Variants in ADARB2 observed in about 807,000 individuals in gnomAD.
ADARB2 encodes inactive double-stranded RNA-specific editase B2.
A neutral mutation model predicts 62.2 loss-of-function variants in ADARB2; 25 were observed. That is an observed-to-expected ratio of 0.40 (90% CI 0.29 to 0.56). The LOEUF (loss-of-function observed/expected upper bound fraction) is 0.56, where lower values mean the gene tolerates loss of function less well. Among genes scored for constraint, ADARB2 ranks in the 20% least tolerant of loss-of-function variants. The pLI, the probability that ADARB2 is intolerant of heterozygous loss-of-function variation, is 0.43. For missense variants in ADARB2, 1,071 were observed against 1,077.4 expected, an observed-to-expected ratio of 0.99 and a Z score of 0.08; for synonymous variants, 572 against 500.8, an observed-to-expected ratio of 1.14 and a Z score of -1.90.
chr10:1,553,828 C>G (rs1164326839), intron 1 of ADARB2, among the ~76,000 whole-genome samples: 1 of 152,216 alleles, frequency 6.6e-6, no homozygotes, highest in African/African-American at 2.4e-5. Context: ...AGGCCACACC[C>G]GCACACGGGA....
chr10:1,286,272 C>T (rs372623339), intron 3 of ADARB2, among the ~76,000 whole-genome samples: 26 of 152,276 alleles, frequency 1.7e-4, no homozygotes, highest in East Asian at 3.9e-4. Context: ...AAACACAAAC[C>T]GAAGCCTCCG....
intron 1 of ADARB2, among the ~76,000 whole-genome samples, chr10:1,532,144 G>A (rs763409673): frequency 6.6e-6 from 1 of 152,060 alleles, no homozygotes; most frequent in African/African-American, 2.4e-5. Flanking sequence ...GTATCAGCCC[G>A]CACCATTCCC....
At chr10:1,613,101 G>A (rs1300705162) in intron 1 of ADARB2, among the ~76,000 whole-genome samples, 1 of 152,166 alleles carries the variant, frequency 6.6e-6, no homozygotes, top group Non-Finnish European at 1.5e-5. Context: ...ACAGCTCCCC[G>A]GCATCTGTCT....
At chr10:1,498,115 G>T (rs1176191504) in intron 1 of ADARB2, among the ~76,000 whole-genome samples, 2 of 152,186 alleles carry the variant, frequency 1.3e-5, no homozygotes, top group South Asian at 4.1e-4. Context: ...GCTCACGCTT[G>T]TAATCCCGGC....
At chr10:1,427,387 C>T (rs958434354) in intron 1 of ADARB2, among the ~76,000 whole-genome samples, 14 of 152,140 alleles carry the variant, frequency 9.2e-5, no homozygotes, top group Admixed American at 3.9e-4. Context: ...GTAACAAAGT[C>T]GGCAATACCA....
chr10:1,514,178 A>ATATATAT (rs1831976214), intron 1 of ADARB2, among the ~76,000 whole-genome samples: 1 of 94,158 alleles, frequency 1.1e-5, no homozygotes, highest in African/African-American at 3.4e-5. Flanking sequence ...GCTGTCTCAA[A>ATATATAT]ATATATATAT....
chr10:1,306,598 C>T (rs1228856746), intron 3 of ADARB2, among the ~76,000 whole-genome samples: 2 of 148,760 alleles, frequency 1.3e-5, no homozygotes, highest in Non-Finnish European at 3.0e-5. Context: ...GCCCGCATCG[C>T]TAAGTCAATC....
At chr10:1,515,990 T>G (rs1242287086) in intron 1 of ADARB2, among the ~76,000 whole-genome samples, 1 of 152,222 alleles carries the variant, frequency 6.6e-6, no homozygotes, top group Non-Finnish European at 1.5e-5. Flanking sequence ...GGGCTTTGCC[T>G]CCATATCTGT....
chr10:1,185,575 C>T (rs528999511), intron 8 of ADARB2, among the ~76,000 whole-genome samples: 8 of 152,284 alleles, frequency 5.3e-5, no homozygotes, highest in East Asian at 1.9e-4. Context: ...ATCCTGAAAC[C>T]GCACTGGCTA....
At chr10:1,549,309 C>T (rs1049638189) in intron 1 of ADARB2, among the ~76,000 whole-genome samples, 6 of 152,242 alleles carry the variant, frequency 3.9e-5, no homozygotes, top group Middle Eastern at 6.8e-3. Context: ...AAACAAGTTT[C>T]CTCAAAAAAA....
At chr10:1,390,684 A>G (rs1440865496) in intron 1 of ADARB2, among the ~76,000 whole-genome samples, 1 of 152,224 alleles carries the variant, frequency 6.6e-6, no homozygotes, top group African/African-American at 2.4e-5. Context: ...GTGAAAGCTC[A>G]AATATATTAA....
At chr10:1,343,803 T>C (rs1024261488) in intron 3 of ADARB2, among the ~76,000 whole-genome samples, 14 of 152,198 alleles carry the variant, frequency 9.2e-5, no homozygotes, top group Non-Finnish European at 1.3e-4. Flanking sequence ...TTCTCACTTA[T>C]ATGTGGGAGC....
At chr10:1,729,625 T>A (rs1835207425) in intron 1 of ADARB2, among the ~76,000 whole-genome samples, 1 of 152,228 alleles carries the variant, frequency 6.6e-6, no homozygotes. Flanking sequence ...GGACTTAAAC[T>A]AATAAAACCT....
intron 1 of ADARB2, among the ~76,000 whole-genome samples, chr10:1,496,104 TCAC>T (rs1831686805): frequency 6.6e-6 from 1 of 151,828 alleles, no homozygotes; most frequent in Non-Finnish European, 1.5e-5. Context: ...ATCATCGTCA[TCAC>T]CATCATCATC....
chr10:1,608,083 A>G (rs896750532), intron 1 of ADARB2, among the ~76,000 whole-genome samples: 3 of 152,222 alleles, frequency 2.0e-5, no homozygotes, highest in Admixed American at 6.5e-5. Flanking sequence ...GTAAAACACA[A>G]CTTCTGGCAT....
intron 1 of ADARB2, among the ~76,000 whole-genome samples, chr10:1,619,302 AAAAAAAG>A (rs754119814): frequency 0.076 from 8,943 of 117,626 alleles, 300 homozygotes; most frequent in East Asian, 0.2. Context: ...AAAAAAAAAA[AAAAAAAG>A]AAAAAATACG....
chr10:1,483,727 G>A (rs1005926251), intron 1 of ADARB2, among the ~76,000 whole-genome samples: 4 of 64,824 alleles, frequency 6.2e-5, no homozygotes, highest in African/African-American at 2.9e-4. Flanking sequence ...GCATTTACAG[G>A]TTTAAAAAGA....
At chr10:1,208,758 A>C (rs1215625518) in intron 7 of ADARB2, among the ~76,000 whole-genome samples, 1 of 152,200 alleles carries the variant, frequency 6.6e-6, no homozygotes, top group Non-Finnish European at 1.5e-5. Context: ...CTGAGATGTG[A>C]GGACACAGTT....
chr10:1,537,940 T>C (rs1406273441), intron 1 of ADARB2, among the ~76,000 whole-genome samples: 1 of 152,194 alleles, frequency 6.6e-6, no homozygotes, highest in Non-Finnish European at 1.5e-5. Context: ...GTAACAAACC[T>C]GCACGTTCTG....
Sources: allele counts gnomAD v4.1 joint callset (sites outside exome capture counted in the v4.1 genomes callset), GRCh38; gene constraint gnomAD v4.1.1; transcripts MANE v1.5; gene names NCBI Gene and HGNC (gene_info 2026-07-23, HGNC 2026-07-21).